The following EXTL3 variants were observed in gnomAD, a reference collection of about 807,000 sequenced individuals.
EXTL3 encodes exostosin like glycosyltransferase 3.
In EXTL3, 27 loss-of-function variants were observed where a neutral mutation model predicts 69.3. The ratio of observed to expected loss-of-function variants is 0.39; its 90% CI spans 0.29 to 0.54. The LOEUF is 0.54. Among genes scored for constraint, EXTL3 ranks in the 20% least tolerant of loss-of-function variants. The probability of loss-of-function intolerance (pLI) is 0.69; values close to 1 mark genes in which losing one functional copy is unlikely to be tolerated. For missense variants in EXTL3, 1,003 were observed against 1,231.8 expected (o/e 0.81, Z 2.78); for synonymous variants, 511 against 499.4 (o/e 1.02, Z -0.31).
At chr8:28,697,021 C>T (rs911564783), upstream of EXTL3, 1 of 152,166 alleles carries the variant, frequency 6.6e-6, no homozygotes. Flanking sequence ...TATCTTCCAT[C>T]ATGTGTAACT....
Position 28,717,622 on chromosome 8 carries a change from C to T in EXTL3, c.1563C>T (p.Ser521=). 2 of 1,614,238 alleles carry T rather than the reference C, an allele frequency of 1.2e-6. No individual in the cohort carries two copies. The highest frequency in any genetic ancestry group is 2.2e-5 in the South Asian group (2 of 91,090). The change falls in exon 3 of 7, where the codon TCC becomes TCT. Residue 521 remains serine, a synonymous_variant. Transcript: ENST00000220562. This position sits in a 1 kb window ranked among gnomAD's most constrained non-coding sequence, Gnocchi z 8.3. ...QGRFLWETYF[S]TADSIFNTVL... ...GCTTTCTCTGGGAGACTTACTTCTC[C>T]ACTGCTGACAGTATTTTTAATACCG...
intron 3 of EXTL3, among the ~76,000 whole-genome samples, chr8:28,725,231 C>T (rs1231766934): frequency 2.0e-5 from 3 of 152,092 alleles, no homozygotes; most frequent in Non-Finnish European, 2.9e-5. Context: ...TCATAGGTGG[C>T]AGGTTCCAGG....
In EXTL3 at chr8:28,716,810, C is replaced by T. The variant is rs185956127; in HGVS notation, c.751C>T (p.Leu251=). 1.3e-5 allele frequency: 21 copies of T among 1,614,244 alleles called. No homozygotes were observed. In the Admixed American group the frequency reaches 3.3e-4, roughly 26 times the overall value. The stretch of plus-strand genomic sequence containing the variant: ...GGGAGAGATGCAGGAGCCGGTGGTG[C>T]TGCGGCCTGCTGAGCTGGAGAAGCA... ...LVGEMQEPVV[L]RPAELEKQLY... Residue 251 remains leucine (L), a synonymous_variant, in exon 3 of 7, where the codon CTG becomes TTG. Transcript: ENST00000220562. The surrounding 1 kb of genome is among the most constrained non-coding windows in gnomAD (Gnocchi z 7.1).
intron 3 of EXTL3, among the ~76,000 whole-genome samples, chr8:28,720,399 C>G (rs1801270724): frequency 6.6e-6 from 1 of 152,118 alleles, no homozygotes; most frequent in African/African-American, 2.4e-5. Flanking sequence ...ATACGGGCTC[C>G]TCTTATGTTT....
At chr8:28,655,065 G>A (rs1806984374) in intron 1 of EXTL3, among the ~76,000 whole-genome samples, 1 of 152,202 alleles carries the variant, frequency 6.6e-6, no homozygotes, top group East Asian at 1.9e-4. Flanking sequence ...AGGTTAGCAT[G>A]AGGCCTCTGA....
intron 1 of EXTL3, among the ~76,000 whole-genome samples, chr8:28,690,202 C>G (rs963034195): frequency 2.0e-5 from 3 of 151,728 alleles, no homozygotes; most frequent in Non-Finnish European, 4.4e-5. Flanking sequence ...TTTAATTTTT[C>G]TTCTCTCTTT....
In EXTL3 at chr8:28,704,697, C is replaced by T. The variant is rs7839391; in HGVS notation, c.-570+3038C>T. ...TTCAATTTTTCTATTGAGACGGCGT[C>T]TCGCTCTTTTCGCCCAGGCTAGAGT... On this transcript the variant is annotated intron_variant, in intron 1 of 6. Coordinates refer to ENST00000220562, the MANE Select transcript of EXTL3 (RefSeq NM_001440.4). Among the ~76,000 whole-genome samples the T allele has an allele frequency of 6.6e-3, 1,002 of 151,580 alleles. 18 individuals carry two copies. Among genetic ancestry groups the T allele is most frequent in the African/African-American group, 0.023 (955 of 41,288 alleles).
At chr8:28,695,778 T>C (rs890770343) in intron 1 of EXTL3, among the ~76,000 whole-genome samples, 3 of 152,006 alleles carry the variant, frequency 2.0e-5, no homozygotes, top group Admixed American at 2.0e-4. Flanking sequence ...GGCTCCAGTG[T>C]CTTATGTGTC....
chr8:28,628,317 G>A (rs994471242), intron 1 of EXTL3, among the ~76,000 whole-genome samples: 5 of 152,036 alleles, frequency 3.3e-5, no homozygotes, highest in African/African-American at 9.7e-5. Context: ...AGCTGAGATC[G>A]TAACACTGCA....
chr8:28,671,623 G>T (rs1807296229), intron 1 of EXTL3, among the ~76,000 whole-genome samples: 1 of 152,144 alleles, frequency 6.6e-6, no homozygotes, highest in Non-Finnish European at 1.5e-5. Flanking sequence ...ACAGGCATGA[G>T]CCTCCATGCC....
At chr8:28,732,029 T>G (rs1247769195) in intron 4 of EXTL3, among the ~76,000 whole-genome samples, 1 of 152,078 alleles carries the variant, frequency 6.6e-6, no homozygotes, top group Non-Finnish European at 1.5e-5. Flanking sequence ...AGGAGTAAAT[T>G]GAGATAGAAG....
At chr8:28,627,704 A>T (rs1180188707) in intron 1 of EXTL3, among the ~76,000 whole-genome samples, 1 of 152,226 alleles carries the variant, frequency 6.6e-6, no homozygotes, top group African/African-American at 2.4e-5. Context: ...TCATGGACAG[A>T]TGAATGGATA....
rs1806446203 is a variant in EXTL3, at chr8:28,623,512, T to G, written c.-53+702T>G. Among the ~76,000 whole-genome samples the G allele has an allele frequency of 6.6e-6, 1 of 152,166 alleles. No homozygotes were observed. Among genetic ancestry groups the G allele is most frequent in the Admixed American group, 6.5e-5 (1 of 15,276 alleles). ...TGTTTGTCCTCAGCCTGTTTCTGGG[T>G]CACCCTGCAGGGCTCCATCCGTTCA... On this transcript the variant is annotated intron_variant, in intron 1 of 6. Transcript: ENST00000523149. The surrounding 1 kb of genome is among the most constrained non-coding windows in gnomAD (Gnocchi z 4.2).
chr8:28,670,333 C>G (rs989830113), intron 1 of EXTL3, among the ~76,000 whole-genome samples: 1 of 151,716 alleles, frequency 6.6e-6, no homozygotes, highest in Non-Finnish European at 1.5e-5. Context: ...TGGTCCAGTT[C>G]TGTATTAAGG....
intron 1 of EXTL3, among the ~76,000 whole-genome samples, chr8:28,642,351 C>T (rs57799312): frequency 0.061 from 9,109 of 150,396 alleles, 843 homozygotes; most frequent in African/African-American, 0.2. Flanking sequence ...GAAACTGAGG[C>T]AGGACAATCA....
At chr8:28,743,912 A>G (rs1247089624) in intron 6 of EXTL3, 1 of 152,924 alleles carries the variant, frequency 6.5e-6, no homozygotes, top group African/African-American at 2.4e-5. Context: ...CATAAGTACT[A>G]TATAAATTAT....
intron 1 of EXTL3, among the ~76,000 whole-genome samples, chr8:28,625,278 A>C (rs1806473906): frequency 6.6e-6 from 1 of 152,224 alleles, no homozygotes; most frequent in South Asian, 2.1e-4. Context: ...AGGGGCCGGC[A>C]TATTTCTTAG....
chr8:28,749,658 CATTCATT>C (rs1563227107), intron 6 of EXTL3, among the ~76,000 whole-genome samples: 2 of 135,668 alleles, frequency 1.5e-5, no homozygotes, highest in African/African-American at 5.7e-5. Flanking sequence ...TTCATTCATT[CATTCATT>C]ATTCATTGTT....
chr8:28,735,842 A>G (rs747331084), intron 4 of EXTL3, among the ~76,000 whole-genome samples: 3 of 152,248 alleles, frequency 2.0e-5, no homozygotes, highest in Non-Finnish European at 4.4e-5. Context: ...GCATGTGTCC[A>G]TACAGAAAGG....
Sources: allele counts gnomAD v4.1 joint callset (sites outside exome capture counted in the v4.1 genomes callset), GRCh38; gene constraint gnomAD v4.1.1; non-coding constraint Gnocchi (gnomAD v3.1); transcripts MANE v1.5; gene names NCBI Gene and HGNC (gene_info 2026-07-23, HGNC 2026-07-21).